The following ACAN variants were observed in gnomAD, a reference collection of about 807,000 sequenced individuals.
ACAN encodes the protein aggrecan, also known as aggrecan core protein.
A neutral mutation model predicts 169.1 loss-of-function variants in ACAN; 47 were observed. The ratio of observed to expected loss-of-function variants is 0.28; its 90% CI spans 0.22 to 0.35. The LOEUF is 0.35. ACAN is among the 10% of genes least tolerant of loss of function. The pLI, the probability that ACAN is intolerant of heterozygous loss-of-function variation, is 1.00. For missense variants in ACAN, 2,716 were observed against 2,759.9 expected (o/e 0.98, Z 0.36); for synonymous variants, 1,115 against 1,112.2 (o/e 1.00, Z -0.05).
Position 88,875,033 on chromosome 15 carries a change from G to C in ACAN, c.*552G>C, listed in dbSNP as rs1041138316. 1.1e-5 allele frequency: 2 copies of C among 174,944 alleles called. No homozygotes were observed. Among genetic ancestry groups the C allele is most frequent in the East Asian group, 3.1e-4 (2 of 6,478 alleles). The allele number at this position is 174,944 out of a possible 1,614,324, so 10.8% of individuals were successfully genotyped here. On this transcript the variant is annotated 3_prime_UTR_variant, in exon 19 of 19. Coordinates refer to ENST00000560601, the MANE Select transcript of ACAN (RefSeq NM_001369268.1). This position sits in a 1 kb window ranked among gnomAD's most constrained non-coding sequence, Gnocchi z 4.8. ...TATGAGGGAAAAGCCTTGGGGGAGAGGGGTGGGTTCCTGCCTCCTGCCGAG... is the reference window on the plus strand; with the variant it reads ...TATGAGGGAAAAGCCTTGGGGGAGACGGGTGGGTTCCTGCCTCCTGCCGAG...
At position 88,843,079 on chromosome 15, in the gene ACAN, C is replaced by T. The variant is rs1896705366; in HGVS notation, c.758-276C>T. Reference sequence around the variant, plus strand: ...AGAGGCTTTTGAGCAGAATTTTCCTCCCAGATTTCAAGTTTGCTCCACCCT... The same window carrying T: ...AGAGGCTTTTGAGCAGAATTTTCCTTCCAGATTTCAAGTTTGCTCCACCCT... On this transcript the variant is annotated intron_variant, in intron 5 of 18. Transcript: ENST00000560601. This position sits in a 1 kb window ranked among gnomAD's most constrained non-coding sequence, Gnocchi z 4.0. Among the ~76,000 whole-genome samples, 1 of 152,220 alleles carries T rather than the reference C, an allele frequency of 6.6e-6. No individual in the cohort carries two copies. The highest frequency in any genetic ancestry group is 1.5e-5 in the Non-Finnish European group (1 of 68,038).
chr15:88,868,196 T>C lies in ACAN; in HGVS notation c.6947-20T>C, dbSNP rs1386938021. ...GAGTTGCCGGCAGGAGTCCTAATGG[T>C]GGCCCTTGGTTTCTTGCAGACATTG... On this transcript the variant is annotated intron_variant, in intron 13 of 18. Coordinates refer to ENST00000560601, the MANE Select transcript of ACAN (RefSeq NM_001369268.1). The surrounding 1 kb of genome is among the most constrained non-coding windows in gnomAD (Gnocchi z 5.2). 6 of 700,926 alleles carry C rather than the reference T, an allele frequency of 8.6e-6. No individual in the cohort carries two copies. In the Admixed American group the frequency reaches 1.2e-4, roughly 14 times the overall value. The allele number at this position is 700,926 out of a possible 1,614,324, so 43.4% of individuals were successfully genotyped here.
chr15:88,863,791 G>A (rs879772257), intron 13 of ACAN, among the ~76,000 whole-genome samples: 1 of 152,234 alleles, frequency 6.6e-6, no homozygotes, highest in East Asian at 1.9e-4. Context: ...TGAAAATATA[G>A]GGTTGCAAGT....
At chr15:88,806,506 C>A (rs541689250) in intron 1 of ACAN, among the ~76,000 whole-genome samples, 1 of 152,028 alleles carries the variant, frequency 6.6e-6, no homozygotes, top group Non-Finnish European at 1.5e-5. Flanking sequence ...TGTACCACCA[C>A]GCCCGGCTAA....
At chr15:88,823,903 C>T (rs1896140846) in intron 1 of ACAN, among the ~76,000 whole-genome samples, 1 of 152,294 alleles carries the variant, frequency 6.6e-6, no homozygotes, top group East Asian at 1.9e-4. Flanking sequence ...GCCGTGTGTG[C>T]ACTCCCGGCT....
rs777892697 is a variant in ACAN at position 88,845,840 on chromosome 15, G to A, written c.1387G>A (p.Val463Met). The change falls in exon 7 of 19, where the codon GTG (valine) becomes ATG (methionine). Residue 463 changes from valine (V) to methionine (M), a missense_variant. By Grantham distance (21) the Val-to-Met change is conservative. Around this residue, in one of 3 missense-constraint regions of ACAN, gnomAD observed 1,283 missense variants for 1,281.5 expected, o/e 1.00. Transcript: ENST00000560601. Reference sequence around the variant, plus strand: ...GGCATTCACCAGTGAGGACCTCGTCGTGCAGGTGACCGCTGTCCCTGGGCA... The same window carrying A: ...GGCATTCACCAGTGAGGACCTCGTCATGCAGGTGACCGCTGTCCCTGGGCA... ...ATAFTSEDLV[V>M]QVTAVPGQPH... 16 of 1,491,046 alleles carry A rather than the reference G, an allele frequency of 1.1e-5. No homozygotes were observed. Among genetic ancestry groups the A allele is most frequent in the East Asian group, 2.4e-5 (1 of 41,070 alleles). 92.4% of individuals were successfully genotyped at this position (1,491,046 alleles called of 1,614,324 possible).
rs750953875 is a variant in ACAN at position 88,838,763 on chromosome 15, G to A, written c.171G>A (p.Met57Ile). ...TCCCCTGCTATTTCATCGACCCCAT[G>A]CACCCTGTGACCACCGCCCCTTCTA... ...LTIPCYFIDPMHPVTTAPSTA... is the reference protein window; with the variant it reads ...LTIPCYFIDPIHPVTTAPSTA... Residue 57 changes from methionine (M) to isoleucine (I), a missense_variant, in exon 3 of 19, where the codon ATG becomes ATA. Met to Ile is a conservative substitution (Grantham distance 10). Around this residue, in one of 3 missense-constraint regions of ACAN, gnomAD observed 1,283 missense variants for 1,281.5 expected, o/e 1.00. Coordinates refer to ENST00000560601, the MANE Select transcript of ACAN (RefSeq NM_001369268.1). This position sits in a 1 kb window ranked among gnomAD's most constrained non-coding sequence, Gnocchi z 5.1. 2 of 1,613,710 alleles carry A rather than the reference G, an allele frequency of 1.2e-6. No homozygotes were observed. The highest frequency in any genetic ancestry group is 1.3e-5 in the African/African-American group (1 of 74,872).
chr15:88,837,982 G>T (rs1014613547), intron 2 of ACAN, among the ~76,000 whole-genome samples: 3 of 135,540 alleles, frequency 2.2e-5, no homozygotes, highest in African/African-American at 8.4e-5. Flanking sequence ...TAAGCTTGTT[G>T]CACCTCCTCT....
intron 5 of ACAN, 59 bp downstream of exon 5, chr15:88,841,926 C>A (rs1896673545): frequency 6.2e-7 from 1 of 1,601,896 alleles, no homozygotes; most frequent in South Asian, 1.1e-5. Flanking sequence ...ACCTTCCCCT[C>A]CCCATCTCCC....
chr15:88,833,653 T>G (rs919775742), intron 1 of ACAN, among the ~76,000 whole-genome samples: 2 of 152,016 alleles, frequency 1.3e-5, no homozygotes, highest in Non-Finnish European at 2.9e-5. Context: ...GCGATATTTC[T>G]ATCCCAAAGT....
intron 7 of ACAN, 62 bp from the exon 8 acceptor site, chr15:88,847,181 G>T: frequency 6.9e-7 from 1 of 1,455,776 alleles, no homozygotes; most frequent in Non-Finnish European, 9.2e-7. Context: ...CTGTGCCCAT[G>T]GAGCCTTGGA....
chr15:88,854,926 C>A lies in ACAN; in HGVS notation c.2341C>A (p.Pro781Thr). 2 of 1,589,462 alleles carry A rather than the reference C, an allele frequency of 1.3e-6. No homozygotes were observed. Among genetic ancestry groups the A allele is most frequent in the Non-Finnish European group, 1.7e-6 (2 of 1,169,564 alleles). ...AGAAGGCCCTTCTGCAACTGAAGTG[C>A]CCTCTGCCTCAGAGGAACCATCCCC... ...STEGPSATEV[P>T]SASEEPSPSE... Residue 781 changes from proline (P) to threonine (T), a missense_variant, in exon 12 of 19, where the codon CCC (proline) becomes ACC (threonine). Transcript: ENST00000560601.
chr15:88,831,407 A>C (rs1042966203), intron 1 of ACAN, among the ~76,000 whole-genome samples: 1 of 152,212 alleles, frequency 6.6e-6, no homozygotes, highest in African/African-American at 2.4e-5. Context: ...TTGGCTGGGC[A>C]CCACCTAGGT....
At chr15:88,820,351 G>A (rs1468759944) in intron 1 of ACAN, among the ~76,000 whole-genome samples, 1 of 152,014 alleles carries the variant, frequency 6.6e-6, no homozygotes, top group South Asian at 2.1e-4. Flanking sequence ...ATGGAGGAAG[G>A]GCCCACCACC....
At chr15:88,821,714 A>G (rs1459385083) in intron 1 of ACAN, among the ~76,000 whole-genome samples, 1 of 152,148 alleles carries the variant, frequency 6.6e-6, no homozygotes, top group African/African-American at 2.4e-5. Context: ...CATGGGATGA[A>G]GAGGTCTTGT....
Position 88,860,451 on chromosome 15 carries a change from A to G in ACAN, c.6946+12A>G. On this transcript the variant is annotated intron_variant, in intron 13 of 18. Transcript: ENST00000560601. ...GCACTGTAACATAGGTAAGGCCCTC[A>G]TTGGCCGTGGAGAGTGAGGGCGGAG... is the stretch of plus-strand genomic sequence containing the variant. 1 of 1,608,240 alleles carries G rather than the reference A, an allele frequency of 6.2e-7. No homozygotes were observed. Among genetic ancestry groups the G allele is most frequent in the Non-Finnish European group, 8.5e-7 (1 of 1,175,740 alleles).
chr15:88,866,171 AC>A lies in ACAN; in HGVS notation c.6947-2039del, dbSNP rs1897277806. On this transcript the variant is annotated intron_variant, in intron 13 of 18. Coordinates refer to ENST00000560601, the MANE Select transcript of ACAN (RefSeq NM_001369268.1). The surrounding 1 kb of genome is among the most constrained non-coding windows in gnomAD (Gnocchi z 5.6). The stretch of plus-strand genomic sequence containing the variant: ...CGACCAGCCTCTGAGACAACTGGAT[AC>A]CCCCCAGCCTGACCTCCGCTGGGGT... Among the ~76,000 whole-genome samples, 1 of 151,422 alleles carries A rather than the reference AC, an allele frequency of 6.6e-6. No homozygotes were observed. The highest frequency in any genetic ancestry group is 2.4e-5 in the African/African-American group (1 of 41,148).
intron 6 of ACAN, among the ~76,000 whole-genome samples, chr15:88,845,292 C>T (rs754722733): frequency 1.1e-4 from 16 of 152,212 alleles, no homozygotes; most frequent in Non-Finnish European, 2.2e-4. Context: ...AGCTCTTGCA[C>T]TCTTGCAATC....
Position 88,843,294 on chromosome 15 carries a change from G to GTCACC in ACAN, c.758-61_758-60insTCACC. 7.0e-7 allele frequency: 1 copy of GTCACC among 1,418,574 alleles called. No homozygotes were observed. Among genetic ancestry groups the GTCACC allele is most frequent in the South Asian group, 1.5e-5 (1 of 67,830 alleles). The allele number at this position is 1,418,574 out of a possible 1,614,324, so 87.9% of individuals were successfully genotyped here. On this transcript the variant is annotated intron_variant, in intron 5 of 18. Transcript: ENST00000560601. The surrounding 1 kb of genome is among the most constrained non-coding windows in gnomAD (Gnocchi z 4.0). ...TCGTGGAAAAGTGTGGATCTCTCTGGGGATGCAGAGCAGGGGGAGGGGGGA... is the reference window on the plus strand; with the variant it reads ...TCGTGGAAAAGTGTGGATCTCTCTGGTCACCGGATGCAGAGCAGGGGGAGGGGGGA...
Sources: gnomAD v4.1 joint callset for allele counts (sites outside exome capture counted in the v4.1 genomes callset) on GRCh38, gnomAD v4.1.1 for gene constraint, gnomAD v4.1.1 regional missense constraint, Gnocchi (gnomAD v3.1) non-coding constraint, MANE v1.5 for transcripts, NCBI Gene and HGNC (gene_info 2026-07-23, HGNC 2026-07-21) for gene names.